Variants in JPH2 observed in about 807,000 individuals in gnomAD.
JPH2 encodes junctophilin-2.
JPH2 carries 38 observed loss-of-function variants against 55.9 expected under a neutral mutation model. The ratio of observed to expected loss-of-function variants is 0.68; its 90% CI spans 0.52 to 0.89. The LOEUF (loss-of-function observed/expected upper bound fraction) is 0.89. Ranked by LOEUF, JPH2 falls within the 40% of genes least tolerant of loss-of-function variation. JPH2 has a pLI of 0.00. For synonymous variants in JPH2, 480 were observed against 472.4 expected (o/e 1.02, Z -0.21); for missense variants, 964 against 1,037.6 (o/e 0.93, Z 0.97).
At chr20:44,177,483 A>G (rs965600682) in intron 1 of JPH2, 1 of 995,146 alleles carries the variant, frequency 1.0e-6, no homozygotes, top group African/African-American at 1.7e-5. Context: ...AAGGCCGTGG[A>G]CAGGAAAGAC....
intron 2 of JPH2, among the ~76,000 whole-genome samples, chr20:44,133,171 T>C: frequency 7.2e-6 from 1 of 139,028 alleles, no homozygotes; most frequent in Non-Finnish European, 1.5e-5. Context: ...CTGGATGCCT[T>C]AACATACCTT....
At position 44,124,351 on chromosome 20, in the gene JPH2, G is replaced by A. The variant is rs539702039; in HGVS notation, c.1170-5728C>T. 3.3e-5 allele frequency among the ~76,000 whole-genome samples: 5 copies of A among 152,158 alleles called. No individual in the cohort carries two copies. In the East Asian group the frequency reaches 5.8e-4, roughly 18 times the overall value. On this transcript the variant is annotated intron_variant, in intron 2 of 5. Coordinates refer to ENST00000372980, the MANE Select transcript of JPH2 (RefSeq NM_020433.5). Reference sequence around the variant, plus strand: ...TAGGCCTTTGCTTAGGCTGTTCCCCGACCTGGAAGGCTCTCTCCCCTCCTG... The same window carrying A: ...TAGGCCTTTGCTTAGGCTGTTCCCCAACCTGGAAGGCTCTCTCCCCTCCTG...
chr20:44,186,484 T>A lies in JPH2; in HGVS notation c.222A>T (p.Ile74=). 6.2e-7 allele frequency: 1 copy of A among 1,614,148 alleles called. No individual in the cohort carries two copies. Among genetic ancestry groups the A allele is most frequent in the Non-Finnish European group, 8.5e-7 (1 of 1,180,008 alleles). The change falls in exon 1 of 6, where the codon ATA becomes ATT. Residue 74 remains isoleucine (I), a synonymous_variant. Transcript: ENST00000372980. Reference sequence around the variant, plus strand: ...TGTAGAGCCAGCGCCCCTTGGTCTCTATGCCCAGCCCATGCCGTTTGCCCT... The same window carrying A: ...TGTAGAGCCAGCGCCCCTTGGTCTCAATGCCCAGCCCATGCCGTTTGCCCT... The part of the protein sequence containing the change: ...WSQGKRHGLG[I]ETKGRWLYKG...
intron 2 of JPH2, among the ~76,000 whole-genome samples, chr20:44,125,986 G>T (rs972110295): frequency 4.6e-5 from 7 of 151,732 alleles, no homozygotes; most frequent in Non-Finnish European, 8.8e-5. Context: ...AAAAACATTA[G>T]CCAGGCATGG....
At chr20:44,142,943 G>C (rs1396252051) in intron 2 of JPH2, among the ~76,000 whole-genome samples, 2 of 152,140 alleles carry the variant, frequency 1.3e-5, no homozygotes, top group Non-Finnish European at 2.9e-5. Context: ...TGCTAGGCCA[G>C]GTGCTGGCAC....
chr20:44,123,535 C>T (rs1271114650), intron 2 of JPH2, among the ~76,000 whole-genome samples: 1 of 152,206 alleles, frequency 6.6e-6, no homozygotes, highest in Non-Finnish European at 1.5e-5. Flanking sequence ...TTAGTATGGC[C>T]TTCGAGGCTC....
intron 2 of JPH2, among the ~76,000 whole-genome samples, chr20:44,154,251 G>A (rs116117225): frequency 0.012 from 1,876 of 152,196 alleles, 45 homozygotes; most frequent in African/African-American, 0.042. Flanking sequence ...ATTCAAAAAA[G>A]TAAAAAGAAA....
rs376616756 is a variant in JPH2, at chr20:44,175,150, C to A, written c.379+11177G>T. ...TTAGATCCTTCTAGGCCTTTTCCTGCCAATTTGCAACTGTATACTGATCAC... is the reference window on the plus strand; with the variant it reads ...TTAGATCCTTCTAGGCCTTTTCCTGACAATTTGCAACTGTATACTGATCAC... On this transcript the variant is annotated intron_variant, in intron 1 of 5. Transcript: ENST00000372980. Among the ~76,000 whole-genome samples, 11 of 152,294 alleles carry A rather than the reference C, an allele frequency of 7.2e-5. No homozygotes were observed. The South Asian group carries it at 1.7e-3, about 23-fold the overall frequency.
chr20:44,184,885 G>A (rs536296858), intron 1 of JPH2, among the ~76,000 whole-genome samples: 12 of 152,280 alleles, frequency 7.9e-5, no homozygotes, highest in African/African-American at 2.9e-4. Flanking sequence ...AACAGTATCT[G>A]TACATACTTG....
intron 1 of JPH2, among the ~76,000 whole-genome samples, chr20:44,184,895 G>A (rs946541309): frequency 6.6e-6 from 1 of 152,202 alleles, no homozygotes; most frequent in Non-Finnish European, 1.5e-5. Flanking sequence ...GTACATACTT[G>A]TGTATAATGT....
chr20:44,128,007 T>C (rs887852870), intron 2 of JPH2, among the ~76,000 whole-genome samples: 2 of 152,238 alleles, frequency 1.3e-5, no homozygotes, highest in African/African-American at 2.4e-5. Context: ...TCTTTATATA[T>C]TCTTATGCAA....
At chr20:44,143,990 G>T (rs1388754655) in intron 2 of JPH2, among the ~76,000 whole-genome samples, 1 of 149,652 alleles carries the variant, frequency 6.7e-6, no homozygotes, top group Non-Finnish European at 1.5e-5. Flanking sequence ...GAGGCAAGGA[G>T]GGGTGGCATG....
intron 2 of JPH2, among the ~76,000 whole-genome samples, chr20:44,129,377 A>G (rs1054809068): frequency 4.6e-5 from 7 of 152,240 alleles, no homozygotes; most frequent in Non-Finnish European, 8.8e-5. Flanking sequence ...CAACATGGTG[A>G]AACTTCGTCT....
At chr20:44,169,833 G>A (rs187566234) in intron 1 of JPH2, among the ~76,000 whole-genome samples, 68 of 152,214 alleles carry the variant, frequency 4.5e-4, no homozygotes, top group African/African-American at 1.6e-3. Context: ...TGGGAGTGGG[G>A]CTGGTGGCTT....
intron 1 of JPH2, chr20:44,177,007 C>G: frequency 1.0e-6 from 1 of 985,450 alleles, no homozygotes; most frequent in African/African-American, 1.7e-5. Flanking sequence ...TCATTCCTGG[C>G]CTGGAGCAGG....
chr20:44,140,898 G>A (rs949934444), intron 2 of JPH2, among the ~76,000 whole-genome samples: 12 of 152,160 alleles, frequency 7.9e-5, no homozygotes, highest in East Asian at 7.7e-4. Context: ...ACCTCCCACC[G>A]TTGGAGAAAC....
chr20:44,115,061 G>A (rs1183330154), intron 4 of JPH2, among the ~76,000 whole-genome samples, 185 bp from the exon 5 acceptor site: 1 of 152,106 alleles, frequency 6.6e-6, no homozygotes, highest in Non-Finnish European at 1.5e-5. Flanking sequence ...AGGACTCTTA[G>A]AAATAACCAA....
At position 44,161,872 on chromosome 20, in the gene JPH2, T is replaced by C. The variant is rs142550924; in HGVS notation, c.380-1465A>G. The stretch of plus-strand genomic sequence containing the variant: ...TATGTCCTGCTGACCTCCCCAAATA[T>C]ATCCCCAACCCCTCCCTCTCCCTTC... On this transcript the variant is annotated intron_variant, in intron 1 of 5. Coordinates refer to ENST00000372980, the MANE Select transcript of JPH2 (RefSeq NM_020433.5). Among the ~76,000 whole-genome samples the C allele has an allele frequency of 3.3e-3, 502 of 152,166 alleles. 3 individuals are homozygous for C. Among genetic ancestry groups the C allele is most frequent in the Non-Finnish European group, 5.8e-3 (397 of 68,004 alleles).
chr20:44,127,079 T>C (rs2072282047), intron 2 of JPH2, among the ~76,000 whole-genome samples: 1 of 152,238 alleles, frequency 6.6e-6, no homozygotes, highest in Admixed American at 6.5e-5. Flanking sequence ...TGCCAACATA[T>C]GGATGTGTCA....
Sources: gnomAD v4.1 joint callset for allele counts (sites outside exome capture counted in the v4.1 genomes callset) on GRCh38, gnomAD v4.1.1 for gene constraint, MANE v1.5 for transcripts, NCBI Gene and HGNC (gene_info 2026-07-23, HGNC 2026-07-21) for gene names.